Variants in SV2C observed in about 807,000 individuals in gnomAD.
SV2C encodes the protein solute carrier family 22 member B3.
A neutral mutation model predicts 79.7 loss-of-function variants in SV2C; 49 were observed. That is an observed-to-expected ratio of 0.61 (90% CI 0.49 to 0.78). The LOEUF is 0.78. SV2C is among the 30% of genes least tolerant of loss of function. The probability of loss-of-function intolerance (pLI) is 0.00; values close to 1 mark genes in which losing one functional copy is unlikely to be tolerated. For synonymous variants in SV2C, 334 were observed against 333.2 expected (o/e 1.00, Z -0.03); for missense variants, 833 against 912.9 (o/e 0.91, Z 1.13).
At chr5:76,199,885 AG>A (rs1744384356) in intron 3 of SV2C, among the ~76,000 whole-genome samples, 2 of 152,234 alleles carry the variant, frequency 1.3e-5, no homozygotes, top group African/African-American at 4.8e-5. Context: ...AACTGAATGA[AG>A]GGGAGGCTGG....
intron 3 of SV2C, among the ~76,000 whole-genome samples, chr5:76,198,871 T>C (rs937915769): frequency 2.0e-5 from 3 of 152,178 alleles, no homozygotes; most frequent in African/African-American, 4.8e-5. Flanking sequence ...ATGCAAGGAC[T>C]TTCATGGATA....
chr5:76,277,394 A>G (rs138618428), intron 4 of SV2C, among the ~76,000 whole-genome samples: 3 of 152,238 alleles, frequency 2.0e-5, no homozygotes, highest in Non-Finnish European at 4.4e-5. Context: ...TATTTACACA[A>G]CGGAATACTA....
chr5:76,107,335 A>G (rs1217383481), intron 1 of SV2C, among the ~76,000 whole-genome samples: 9 of 152,238 alleles, frequency 5.9e-5, no homozygotes, highest in East Asian at 1.9e-4. Context: ...TTAGTGTACA[A>G]TAATACCTGT....
chr5:76,254,253 T>TAGAG (rs199960755), intron 4 of SV2C, among the ~76,000 whole-genome samples: 71 of 147,748 alleles, frequency 4.8e-4, no homozygotes, highest in African/African-American at 1.8e-3. Context: ...TATATATATA[T>TAGAG]ATATAGAGAG....
chr5:76,267,094 G>A, intron 4 of SV2C, among the ~76,000 whole-genome samples: 1 of 152,206 alleles, frequency 6.6e-6, no homozygotes, highest in Non-Finnish European at 1.5e-5. Context: ...GATTGGGAGG[G>A]CGACATTCCT....
At chr5:76,312,414 A>T (rs1748479664) in intron 12 of SV2C, among the ~76,000 whole-genome samples, 2 of 152,040 alleles carry the variant, frequency 1.3e-5, no homozygotes, top group South Asian at 4.1e-4. Flanking sequence ...CACCACTCCC[A>T]GCTAATTTTT....
At chr5:75,976,503 A>G in the SV2C span, among the ~76,000 whole-genome samples, 1 of 151,900 alleles carries the variant, frequency 6.6e-6, no homozygotes, top group Non-Finnish European at 1.5e-5. Flanking sequence ...CTGCATAACA[A>G]TAACAGGCTT....
the SV2C span, among the ~76,000 whole-genome samples, chr5:76,037,964 G>A: frequency 6.6e-6 from 1 of 152,200 alleles, no homozygotes; most frequent in Non-Finnish European, 1.5e-5. Flanking sequence ...TTTTAAGCCC[G>A]TCGGAAAAGC....
chr5:76,253,586 G>T (rs72773796), intron 4 of SV2C, among the ~76,000 whole-genome samples: 47,532 of 151,590 alleles, frequency 0.31, 7,938 homozygotes, highest in Non-Finnish European at 0.37. Context: ...TGGTTTCTCA[G>T]AATTCTCTGG....
chr5:75,896,963 T>C, the SV2C span, among the ~76,000 whole-genome samples: 2 of 144,478 alleles, frequency 1.4e-5, no homozygotes, highest in African/African-American at 5.9e-5. Context: ...AGATTCTGGA[T>C]ATTAGCCTTT....
intron 12 of SV2C, among the ~76,000 whole-genome samples, chr5:76,345,367 G>C (rs1440268706): frequency 6.6e-6 from 1 of 152,218 alleles, no homozygotes; most frequent in African/African-American, 2.4e-5. Flanking sequence ...AGACAGGCAG[G>C]GTGGAAAAGA....
the SV2C span, among the ~76,000 whole-genome samples, chr5:75,930,186 C>T: frequency 7.4e-4 from 112 of 152,046 alleles, no homozygotes; most frequent in Non-Finnish European, 7.5e-4. Flanking sequence ...CCCTGCTTTC[C>T]GCCTCATCTT....
the SV2C span, among the ~76,000 whole-genome samples, chr5:76,045,781 T>A: frequency 5.3e-5 from 8 of 152,204 alleles, no homozygotes; most frequent in African/African-American, 1.9e-4. Context: ...TACTTCTCAA[T>A]TGACTCTCAC....
At chr5:75,999,658 T>TCA in the SV2C span, among the ~76,000 whole-genome samples, 1 of 151,628 alleles carries the variant, frequency 6.6e-6, no homozygotes, top group Non-Finnish European at 1.5e-5. Context: ...CTGCCTTTTT[T>TCA]TTTTTTTCTA....
the SV2C span, among the ~76,000 whole-genome samples, chr5:75,984,489 A>G: frequency 6.6e-6 from 1 of 152,046 alleles, no homozygotes; most frequent in African/African-American, 2.4e-5. Context: ...GTAGTAATTT[A>G]CCCACTGTAT....
In SV2C at chr5:76,154,170, C is replaced by T. The variant is rs2194177; in HGVS notation, c.580+21840C>T. Among the ~76,000 whole-genome samples, 326 of 152,314 alleles carry T rather than the reference C, an allele frequency of 2.1e-3. 14 individuals carry two copies. In the East Asian group the frequency reaches 0.06, roughly 28 times the overall value. On this transcript the variant is annotated intron_variant, in intron 2 of 12. Transcript: ENST00000502798. Reference sequence around the variant, plus strand: ...TCTCCCACTCATTGTCAACCTGCTACCAGAAAGCCAAGTGACTCACCTTCC... The same window carrying T: ...TCTCCCACTCATTGTCAACCTGCTATCAGAAAGCCAAGTGACTCACCTTCC...
chr5:75,852,845 AAAAAAG>A, the SV2C span, among the ~76,000 whole-genome samples: 1,992 of 145,480 alleles, frequency 0.014, 48 homozygotes, highest in African/African-American at 0.048. Flanking sequence ...AAAAAAAAAG[AAAAAAG>A]AAAAAAAACT....
At chr5:75,952,268 TTCCTTCCTTCCTTCC>T in the SV2C span, among the ~76,000 whole-genome samples, 1 of 148,170 alleles carries the variant, frequency 6.7e-6, no homozygotes, top group Non-Finnish European at 1.5e-5. Flanking sequence ...CCTTCCTTCC[TTCCTTCCTTCCTTCC>T]TTCCTTTCTT....
At chr5:76,118,851 C>G (rs1748378382) in intron 1 of SV2C, among the ~76,000 whole-genome samples, 1 of 152,126 alleles carries the variant, frequency 6.6e-6, no homozygotes. Flanking sequence ...GGCATGGTGG[C>G]ACATGCTTGT....
Sources: gnomAD v4.1 joint callset for allele counts (sites outside exome capture counted in the v4.1 genomes callset) on GRCh38, gnomAD v4.1.1 for gene constraint, MANE v1.5 for transcripts, NCBI Gene and HGNC (gene_info 2026-07-23, HGNC 2026-07-21) for gene names.